The following RNF115 variants were observed in gnomAD, a reference collection of about 807,000 sequenced individuals.
RNF115 encodes the protein E3 ubiquitin-protein ligase RNF115.
Under a neutral mutation model 39.2 loss-of-function variants are expected in RNF115, and 31 were observed. The observed-to-expected ratio is 0.79, with a 90% confidence interval of 0.59 to 1.07. RNF115 has a LOEUF of 1.07. Among genes scored for constraint, RNF115 ranks in the 50% least tolerant of loss-of-function variants. The pLI is 0.00. For synonymous variants in RNF115, 124 were observed against 131.0 expected (o/e 0.95, Z 0.37); for missense variants, 384 against 381.7 (o/e 1.01, Z -0.05).
chr1:145,782,428 C>A (rs1648189706), intron 3 of RNF115, among the ~76,000 whole-genome samples: 2 of 152,080 alleles, frequency 1.3e-5, no homozygotes, highest in African/African-American at 4.8e-5. Context: ...TCGAGTCCAG[C>A]CTGGGCAATA....
chr1:145,796,689 T>A lies in RNF115; in HGVS notation c.103-7723A>T, dbSNP rs149466759. ...GGCATGAGCCACCACACTCAGCCCATATTAACCATTTTTAAGTGTACAGTT... is the reference window on the plus strand; with the variant it reads ...GGCATGAGCCACCACACTCAGCCCAAATTAACCATTTTTAAGTGTACAGTT... On this transcript the variant is annotated intron_variant, in intron 1 of 8. Transcript: ENST00000582693. Among the ~76,000 whole-genome samples, 676 of 152,128 alleles carry A rather than the reference T, an allele frequency of 4.4e-3. 5 individuals carry two copies. The highest frequency in any genetic ancestry group is 0.016 in the African/African-American group (647 of 41,488).
In RNF115 at chr1:145,807,273, G is replaced by A. The variant is rs956285328; in HGVS notation, c.102+16499C>T. The stretch of plus-strand genomic sequence containing the variant: ...AGGAATAGAAATAGATATACTTCTG[G>A]AAACCTTTTACAGTACTAGTGTTAC... On this transcript the variant is annotated intron_variant, in intron 1 of 8. Coordinates refer to ENST00000582693, the MANE Select transcript of RNF115 (RefSeq NM_014455.4). Among the ~76,000 whole-genome samples the A allele has an allele frequency of 3.3e-5, 5 of 152,252 alleles. No homozygotes were observed. The South Asian group carries it at 8.3e-4, about 25-fold the overall frequency.
At chr1:145,798,134 T>A (rs1649066962) in intron 1 of RNF115, among the ~76,000 whole-genome samples, 1 of 152,160 alleles carries the variant, frequency 6.6e-6, no homozygotes, top group Non-Finnish European at 1.5e-5. Context: ...TGCACCAAAG[T>A]TTTTAAGTTT....
intron 4 of RNF115, among the ~76,000 whole-genome samples, chr1:145,760,844 A>C (rs781810874): frequency 1.3e-5 from 2 of 152,228 alleles, no homozygotes; most frequent in Admixed American, 6.5e-5. Context: ...GCTCAGAAGA[A>C]GACAAGAAAA....
At chr1:145,751,649 A>C (rs1553712515) in intron 5 of RNF115, 139 bp from the exon 6 acceptor site, 1 of 536,358 alleles carries the variant, frequency 1.9e-6, no homozygotes, top group East Asian at 3.1e-5. Context: ...GAGGCAAAGA[A>C]TTCTGTACAT....
intron 4 of RNF115, among the ~76,000 whole-genome samples, chr1:145,767,008 T>C (rs1182385145): frequency 4.1e-5 from 4 of 96,930 alleles, no homozygotes; most frequent in Admixed American, 9.5e-5. Flanking sequence ...CACTTCCCAG[T>C]AGGGGTGGCC....
intron 1 of RNF115, among the ~76,000 whole-genome samples, chr1:145,791,685 C>T (rs1186662037): frequency 6.6e-6 from 1 of 152,142 alleles, no homozygotes; most frequent in East Asian, 1.9e-4. Context: ...ATTCAAATAA[C>T]CAAAACAATT....
intron 4 of RNF115, among the ~76,000 whole-genome samples, chr1:145,770,447 A>G (rs1647583515): frequency 2.0e-5 from 3 of 152,212 alleles, no homozygotes; most frequent in African/African-American, 7.2e-5. Flanking sequence ...GTCAAATATG[A>G]TAAGTATTAG....
At chr1:145,763,496 G>A (rs1444008141) in intron 4 of RNF115, among the ~76,000 whole-genome samples, 6 of 152,182 alleles carry the variant, frequency 3.9e-5, no homozygotes, top group Non-Finnish European at 7.3e-5. Context: ...TCAGGAGTTC[G>A]AGACCAGCCT....
At chr1:145,822,297 TAGAC>T (rs1234567005) in intron 1 of RNF115, among the ~76,000 whole-genome samples, 15 of 142,160 alleles carry the variant, frequency 1.1e-4, no homozygotes, top group Admixed American at 2.9e-4. Context: ...TCCTGGGTGA[TAGAC>T]AGAGGCTGTC....
intron 1 of RNF115, among the ~76,000 whole-genome samples, chr1:145,813,120 A>G (rs1268045746): frequency 1.3e-5 from 2 of 151,290 alleles, no homozygotes; most frequent in Non-Finnish European, 2.9e-5. Flanking sequence ...TGATTCTTAC[A>G]CTGCCTTTCA....
At chr1:145,750,549 C>T in intron 6 of RNF115, 49 bp from the exon 7 acceptor site, 7 of 1,434,796 alleles carry the variant, frequency 4.9e-6, no homozygotes, top group Non-Finnish European at 6.9e-6. Flanking sequence ...ATCGCAATAT[C>T]CCTGGAGAGG....
chr1:145,776,892 T>C (rs1163695638), intron 3 of RNF115, among the ~76,000 whole-genome samples: 3 of 152,228 alleles, frequency 2.0e-5, no homozygotes, highest in Non-Finnish European at 2.9e-5. Context: ...TCATTTTAAC[T>C]GCCATTTGCG....
chr1:145,785,780 T>A (rs994755586), intron 2 of RNF115, among the ~76,000 whole-genome samples: 2 of 152,216 alleles, frequency 1.3e-5, no homozygotes, highest in East Asian at 3.8e-4. Flanking sequence ...TGCCACTCTT[T>A]ATGCAACCAT....
intron 1 of RNF115, among the ~76,000 whole-genome samples, chr1:145,821,313 A>G (rs1192422386): frequency 7.6e-6 from 1 of 131,498 alleles, no homozygotes; most frequent in Non-Finnish European, 1.7e-5. Flanking sequence ...TATCACACCA[A>G]AAAGATCAAG....
chr1:145,750,337 C>A lies in RNF115; in HGVS notation c.667+70G>T, dbSNP rs1332675824. ...TTTTGTTCACTTTTTAAACTTTTCA[C>A]CTGTCAGAAGATACCGGGATTTTGA... is the stretch of plus-strand genomic sequence containing the variant. On this transcript the variant is annotated intron_variant, in intron 7 of 8. Transcript: ENST00000582693. 11 of 1,215,746 alleles carry A rather than the reference C, an allele frequency of 9.0e-6. 2 individuals carry two copies. In the East Asian group the frequency reaches 2.4e-4, roughly 26 times the overall value. The allele number at this position is 1,215,746 out of a possible 1,614,324, so 75.3% of individuals were successfully genotyped here.
At chr1:145,751,629 C>T (rs1048543687) in intron 5 of RNF115, 119 bp from the exon 6 acceptor site, 9 of 576,772 alleles carry the variant, frequency 1.6e-5, no homozygotes, top group Non-Finnish European at 2.5e-5. Context: ...CACTAGTCCT[C>T]CAGGATCAAG....
intron 1 of RNF115, among the ~76,000 whole-genome samples, chr1:145,807,385 T>C (rs1413056738): frequency 2.0e-5 from 3 of 152,338 alleles, no homozygotes; most frequent in African/African-American, 7.2e-5. Context: ...GATTGCATAT[T>C]AAAATAGGAT....
At position 145,742,665 on chromosome 1, in the gene RNF115, CGT is replaced by C. The variant is rs1553711129; in HGVS notation, c.*4199_*4200del. ...TCCTCCATTGTGAAATGTGCATACA[CGT>C]GTTTGTCTGTGAATATATAAATATC... On this transcript the variant is annotated 3_prime_UTR_variant, in exon 9 of 9. Transcript: ENST00000582693. 2 of 152,152 alleles carry C rather than the reference CGT, an allele frequency of 1.3e-5. No homozygotes were observed. Among genetic ancestry groups the C allele is most frequent in the Non-Finnish European group, 2.9e-5 (2 of 68,042 alleles). 9.4% of individuals were successfully genotyped at this position (152,152 alleles called of 1,614,324 possible).
Sources: gnomAD v4.1 joint callset for allele counts (sites outside exome capture counted in the v4.1 genomes callset) on GRCh38, gnomAD v4.1.1 for gene constraint, MANE v1.5 for transcripts, NCBI Gene and HGNC (gene_info 2026-07-23, HGNC 2026-07-21) for gene names.